CDH23: variants seen among roughly 807,000 people sequenced by gnomAD.
The protein encoded by CDH23 is cadherin related 23, also known as cadherin-23.
A neutral mutation model predicts 317.1 loss-of-function variants in CDH23; 189 were observed. That is an observed-to-expected ratio of 0.60 (90% CI 0.53 to 0.67). The LOEUF (loss-of-function observed/expected upper bound fraction) is 0.67, where lower values mean the gene tolerates loss of function less well. CDH23 is among the 30% of genes least tolerant of loss of function. The probability of loss-of-function intolerance (pLI) is 0.00; values close to 1 mark genes in which losing one functional copy is unlikely to be tolerated. For synonymous variants in CDH23, 1,839 were observed against 1,876.8 expected (o/e 0.98, Z 0.52); for missense variants, 4,401 against 4,592.4 (o/e 0.96, Z 1.20).
chr10:71,650,945 C>A (rs933884635), intron 14 of CDH23, among the ~76,000 whole-genome samples: 1 of 152,238 alleles, frequency 6.6e-6, no homozygotes, highest in African/African-American at 2.4e-5. Context: ...TTTATTCATT[C>A]ATTCATTGAT....
intron 9 of CDH23, among the ~76,000 whole-genome samples, chr10:71,603,523 C>T (rs375263869): frequency 2.0e-5 from 3 of 152,296 alleles, no homozygotes; most frequent in African/African-American, 7.2e-5. Context: ...CCACTCTTAG[C>T]CCAAGGAGAG....
chr10:71,696,254 T>A (rs1865386672), intron 22 of CDH23, among the ~76,000 whole-genome samples: 1 of 152,166 alleles, frequency 6.6e-6, no homozygotes, highest in Non-Finnish European at 1.5e-5. Flanking sequence ...GTGGCCTTAC[T>A]TGAGGAGGCT....
intron 6 of CDH23, among the ~76,000 whole-genome samples, chr10:71,515,363 C>T (rs1251634039): frequency 1.2e-5 from 1 of 84,382 alleles, no homozygotes; most frequent in African/African-American, 4.3e-5. Context: ...CTGTTTCTCT[C>T]TCTCTCTCTC....
At chr10:71,416,638 T>G (rs888061577) in intron 1 of CDH23, among the ~76,000 whole-genome samples, 2 of 151,920 alleles carry the variant, frequency 1.3e-5, no homozygotes, top group Admixed American at 6.6e-5. Context: ...TTGCAGTTTT[T>G]GCTCATCTTT....
At chr10:71,606,999 C>A (rs545211276) in intron 9 of CDH23, among the ~76,000 whole-genome samples, 246 of 152,330 alleles carry the variant, frequency 1.6e-3, no homozygotes, top group Non-Finnish European at 2.4e-3. Flanking sequence ...GATCGTGGGG[C>A]TGTTGAATGT....
At chr10:71,579,388 C>A (rs1858466842) in intron 9 of CDH23, among the ~76,000 whole-genome samples, 1 of 152,114 alleles carries the variant, frequency 6.6e-6, no homozygotes, top group Non-Finnish European at 1.5e-5. Context: ...TGCACCACCC[C>A]CTCCCCCATT....
At chr10:71,456,996 C>A (rs545093988) in intron 3 of CDH23, among the ~76,000 whole-genome samples, 3 of 152,276 alleles carry the variant, frequency 2.0e-5, no homozygotes, top group East Asian at 3.9e-4. Context: ...AGAAGAGAAC[C>A]AATGGTAAAT....
chr10:71,730,358 C>G, intron 30 of CDH23, 111 bp from the exon 31 acceptor site: 1 of 1,408,838 alleles, frequency 7.1e-7, no homozygotes, highest in South Asian at 1.4e-5. Context: ...AGGGAGCTCA[C>G]AGCAGGCCCA....
At chr10:71,563,666 C>T (rs1857242697) in intron 6 of CDH23, among the ~76,000 whole-genome samples, 1 of 151,970 alleles carries the variant, frequency 6.6e-6, no homozygotes, top group South Asian at 2.1e-4. Context: ...GAGTGTTGCT[C>T]AGTGTTGCTG....
intron 28 of CDH23, among the ~76,000 whole-genome samples, chr10:71,722,821 G>A (rs1213625026): frequency 6.6e-6 from 1 of 152,180 alleles, no homozygotes; most frequent in East Asian, 1.9e-4. Flanking sequence ...CACGCTTGGT[G>A]TTCAAGAAAC....
intron 55 of CDH23, among the ~76,000 whole-genome samples, chr10:71,805,289 T>A (rs1841677712): frequency 6.6e-6 from 1 of 152,196 alleles, no homozygotes; most frequent in African/African-American, 2.4e-5. Flanking sequence ...TAGACCCTGA[T>A]GGCCAACCCC....
At chr10:71,784,548 GC>G (rs1841046614) in intron 42 of CDH23, 128 bp downstream of exon 42, 1 of 1,258,374 alleles carries the variant, frequency 7.9e-7, no homozygotes, top group Non-Finnish European at 1.1e-6. Context: ...GGCCAGGCCT[GC>G]CCCTGGGGCC....
At chr10:71,545,202 A>T (rs1856204487) in intron 6 of CDH23, among the ~76,000 whole-genome samples, 1 of 152,206 alleles carries the variant, frequency 6.6e-6, no homozygotes, top group Non-Finnish European at 1.5e-5. Context: ...CAAGAGGGAA[A>T]GAAGACTGCA....
chr10:71,624,621 GC>G (rs1472165092), intron 11 of CDH23, among the ~76,000 whole-genome samples: 1 of 152,148 alleles, frequency 6.6e-6, no homozygotes, highest in Non-Finnish European at 1.5e-5. Context: ...GATTGCTTCA[GC>G]CCAGGAGGTT....
chr10:71,743,601 G>C (rs1839787571), intron 38 of CDH23, among the ~76,000 whole-genome samples: 1 of 152,088 alleles, frequency 6.6e-6, no homozygotes, highest in African/African-American at 2.4e-5. Context: ...GCTAAACAAG[G>C]ATACATTTAT....
chr10:71,564,951 C>T (rs755428591), intron 6 of CDH23, among the ~76,000 whole-genome samples: 11 of 152,224 alleles, frequency 7.2e-5, no homozygotes, highest in Non-Finnish European at 1.3e-4. Flanking sequence ...ACCCACAAAA[C>T]AGTATCTTAT....
At chr10:71,510,025 A>C in intron 3 of CDH23, 57 bp from the exon 4 acceptor site, 1 of 1,607,398 alleles carries the variant, frequency 6.2e-7, no homozygotes, top group Non-Finnish European at 8.5e-7. Context: ...GCAAGGTAGG[A>C]AGGCATAAAC....
chr10:71,644,467 G>A (rs1440915876), intron 12 of CDH23, among the ~76,000 whole-genome samples: 1 of 152,246 alleles, frequency 6.6e-6, no homozygotes, highest in Non-Finnish European at 1.5e-5. Context: ...GGCAGCCCCA[G>A]GGGCCCATGA....
chr10:71,807,611 A>G lies in CDH23; in HGVS notation c.8404A>G (p.Ile2802Val), dbSNP rs766924822. The G allele has an allele frequency of 2.5e-6, 4 of 1,613,862 alleles. No individual in the cohort carries two copies. The highest frequency in any genetic ancestry group is 2.5e-6 in the Non-Finnish European group (3 of 1,179,886). Residue 2802 changes from isoleucine (I) to valine (V), a missense_variant, in exon 59 of 70, where the codon ATC (isoleucine) becomes GTC (valine). Transcript: ENST00000224721. ...GGAGCGAGAAGCCATCTTCTCCTTC[A>G]TCGTCAAGGCCTCCAGCAATCGCAG... is the stretch of plus-strand genomic sequence containing the variant. ...DREREAIFSF[I>V]VKASSNRSWT...
Sources: allele counts gnomAD v4.1 joint callset (sites outside exome capture counted in the v4.1 genomes callset), GRCh38; gene constraint gnomAD v4.1.1; transcripts MANE v1.5; gene names NCBI Gene and HGNC (gene_info 2026-07-23, HGNC 2026-07-21).